Variants in UNC5A observed in about 807,000 individuals in gnomAD.
The protein encoded by UNC5A is unc-5 netrin receptor A.
In UNC5A, 20 loss-of-function variants were observed where a neutral mutation model predicts 87.4. The ratio of observed to expected loss-of-function variants is 0.23; its 90% CI spans 0.16 to 0.33. UNC5A has a LOEUF of 0.33. Ranked by LOEUF, UNC5A falls within the 10% of genes least tolerant of loss-of-function variation. The pLI is 1.00. For missense variants in UNC5A, 844 were observed against 1,133.4 expected, an observed-to-expected ratio of 0.74 and a Z score of 3.67; for synonymous variants, 438 against 482.3, an observed-to-expected ratio of 0.91 and a Z score of 1.20.
At chr5:176,843,487 G>C (rs1229083519) in intron 1 of UNC5A, among the ~76,000 whole-genome samples, 1 of 152,238 alleles carries the variant, frequency 6.6e-6, no homozygotes, top group Non-Finnish European at 1.5e-5. Context: ...GAACTTTAGG[G>C]GGTGAAGCTA....
intron 1 of UNC5A, among the ~76,000 whole-genome samples, chr5:176,821,283 G>A (rs1202016160): frequency 1.3e-5 from 2 of 152,168 alleles, no homozygotes; most frequent in Non-Finnish European, 2.9e-5. Flanking sequence ...TTCTATGTTG[G>A]GCATGTCTGG....
In UNC5A at chr5:176,872,982, G is replaced by T. The variant is rs1457891232; in HGVS notation, c.887-986G>T. ...CACCCAACACCACAGCTTCCCATCT[G>T]CCCACACCTGCCCCAACACCACAGT... On this transcript the variant is annotated intron_variant, in intron 6 of 14. Coordinates refer to ENST00000329542, the MANE Select transcript of UNC5A (RefSeq NM_133369.3). Among the ~76,000 whole-genome samples the T allele has an allele frequency of 3.6e-4, 10 of 28,106 alleles. 1 individual carries two copies. The highest frequency in any genetic ancestry group is 1.0e-3 in the African/African-American group (10 of 10,032). 18.4% of individuals were successfully genotyped at this position (28,106 alleles called of 152,430 possible). A position where few individuals can be genotyped will look rare whatever the true frequency, so the allele number is the denominator to read the frequency against.
rs765449889 is a variant in UNC5A at position 176,844,933 on chromosome 5, C to T, written c.71-17691C>T. Among the ~76,000 whole-genome samples, 12 of 152,272 alleles carry T rather than the reference C, an allele frequency of 7.9e-5. No homozygotes were observed. The highest frequency in any genetic ancestry group is 1.0e-4 in the Non-Finnish European group (7 of 68,002). On this transcript the variant is annotated intron_variant, in intron 1 of 14. Transcript: ENST00000329542. This position sits in a 1 kb window ranked among gnomAD's most constrained non-coding sequence, Gnocchi z 4.2. ...TCTGCAGCAGGGTGGGTTGGTGGCTCGCAGCTTGCCGGAAAAGCCCCACCT... is the reference window on the plus strand; with the variant it reads ...TCTGCAGCAGGGTGGGTTGGTGGCTTGCAGCTTGCCGGAAAAGCCCCACCT...
intron 10 of UNC5A, 22 bp downstream of exon 10, chr5:176,877,725 G>A: frequency 6.4e-7 from 1 of 1,572,072 alleles, no homozygotes; most frequent in Non-Finnish European, 8.7e-7. Context: ...ACTGACCCGG[G>A]CTCCAGAAGG....
chr5:176,839,217 C>T (rs1757211272), intron 1 of UNC5A, among the ~76,000 whole-genome samples: 1 of 152,240 alleles, frequency 6.6e-6, no homozygotes, highest in Non-Finnish European at 1.5e-5. Flanking sequence ...CTCACAGCAC[C>T]TAGCACATGC....
rs1268339868 is a variant in UNC5A, at chr5:176,868,557, C to G, written c.437-4C>G. On this transcript the variant is annotated splice_region_variant and splice_polypyrimidine_tract_variant and intron_variant, in intron 3 of 14. Transcript: ENST00000329542. ...ACAGGAGGACACTCTCATTCCTCTTCTAGATTTGCGCAAGAACTTCGAGCA... is the reference window on the plus strand; with the variant it reads ...ACAGGAGGACACTCTCATTCCTCTTGTAGATTTGCGCAAGAACTTCGAGCA... The G allele has an allele frequency of 6.3e-7, 1 of 1,596,142 alleles. No homozygotes were observed. The highest frequency in any genetic ancestry group is 8.5e-7 in the Non-Finnish European group (1 of 1,172,122).
At chr5:176,834,748 CTCTCTCTCCCTT>C (rs888298647) in intron 1 of UNC5A, among the ~76,000 whole-genome samples, 15 of 151,764 alleles carry the variant, frequency 9.9e-5, no homozygotes, top group Non-Finnish European at 1.8e-4. Context: ...CCCTCTCCCT[CTCTCTCTCCCTT>C]TCCCTGGGTC....
chr5:176,833,668 CTCATTAGCTCAG>C (rs1407998562), intron 1 of UNC5A, among the ~76,000 whole-genome samples: 1 of 152,084 alleles, frequency 6.6e-6, no homozygotes, highest in Non-Finnish European at 1.5e-5. Context: ...TGTGGCTGCA[CTCATTAGCTCAG>C]TCACACAGCC....
chr5:176,856,099 C>T (rs904995857), intron 1 of UNC5A, among the ~76,000 whole-genome samples: 31 of 152,240 alleles, frequency 2.0e-4, no homozygotes, highest in Admixed American at 1.2e-3. Flanking sequence ...CCCTCCCCTG[C>T]CCCCAGGGAC....
intron 1 of UNC5A, among the ~76,000 whole-genome samples, chr5:176,847,156 C>A (rs1356230501): frequency 6.6e-6 from 1 of 152,210 alleles, no homozygotes; most frequent in African/African-American, 2.4e-5. Context: ...CGGGCGCCGG[C>A]TGATTCTCCA....
At chr5:176,827,971 C>A (rs1756895884) in intron 1 of UNC5A, among the ~76,000 whole-genome samples, 1 of 152,074 alleles carries the variant, frequency 6.6e-6, no homozygotes, top group Non-Finnish European at 1.5e-5. Context: ...TGGGAGCCCC[C>A]AGAGGTGCAG....
chr5:176,851,363 C>G (rs886539201), intron 1 of UNC5A, among the ~76,000 whole-genome samples: 5 of 152,196 alleles, frequency 3.3e-5, no homozygotes, highest in African/African-American at 1.2e-4. Context: ...TGTAACCTCC[C>G]AAGTGCCTCT....
At chr5:176,854,179 T>G (rs1757612414) in intron 1 of UNC5A, among the ~76,000 whole-genome samples, 1 of 152,108 alleles carries the variant, frequency 6.6e-6, no homozygotes, top group Non-Finnish European at 1.5e-5. Flanking sequence ...TCATGGCTCT[T>G]ACTGTGCCAC....
chr5:176,815,662 G>A (rs1020237761), intron 1 of UNC5A, among the ~76,000 whole-genome samples: 2 of 152,242 alleles, frequency 1.3e-5, no homozygotes, highest in East Asian at 3.8e-4. Flanking sequence ...GTGGGGGGAT[G>A]GCATGAGTTA....
intron 8 of UNC5A, among the ~76,000 whole-genome samples, chr5:176,876,720 A>G (rs1251278017): frequency 6.6e-6 from 1 of 152,182 alleles, no homozygotes; most frequent in Non-Finnish European, 1.5e-5. Flanking sequence ...GCAGGACGGG[A>G]GGGCAGTGGG....
chr5:176,811,986 T>G (rs564616816), intron 1 of UNC5A, among the ~76,000 whole-genome samples: 1 of 151,918 alleles, frequency 6.6e-6, no homozygotes, highest in Non-Finnish European at 1.5e-5. Flanking sequence ...CCTTAAAGGG[T>G]GTCTCTGCGC....
At chr5:176,846,220 C>T (rs536921739) in intron 1 of UNC5A, among the ~76,000 whole-genome samples, 1 of 152,236 alleles carries the variant, frequency 6.6e-6, no homozygotes, top group African/African-American at 2.4e-5. Context: ...GAGAGCAGAA[C>T]AGAGCACAGA....
At chr5:176,854,195 T>C (rs902266767) in intron 1 of UNC5A, among the ~76,000 whole-genome samples, 1 of 152,056 alleles carries the variant, frequency 6.6e-6, no homozygotes, top group Non-Finnish European at 1.5e-5. Context: ...GCCACCCAGA[T>C]CTGTAGTCTC....
chr5:176,845,231 C>T (rs1201723429), intron 1 of UNC5A, among the ~76,000 whole-genome samples: 1 of 152,180 alleles, frequency 6.6e-6, no homozygotes, highest in African/African-American at 2.4e-5. Context: ...CCTCCACCAG[C>T]CCCACGACAG....
Sources: allele counts gnomAD v4.1 joint callset (sites outside exome capture counted in the v4.1 genomes callset), GRCh38; gene constraint gnomAD v4.1.1; non-coding constraint Gnocchi (gnomAD v3.1); transcripts MANE v1.5; gene names NCBI Gene and HGNC (gene_info 2026-07-23, HGNC 2026-07-21).